The following YJU2 variants were observed in gnomAD, a reference collection of about 807,000 sequenced individuals.
YJU2 encodes the protein splicing factor YJU2.
In YJU2, 28 loss-of-function variants were observed where a neutral mutation model predicts 39.6. The observed-to-expected ratio is 0.71, with a 90% CI of 0.52 to 0.97. The LOEUF (loss-of-function observed/expected upper bound fraction) is 0.97, where lower values mean the gene tolerates loss of function less well. YJU2 is among the 50% of genes least tolerant of loss of function. The probability of loss-of-function intolerance (pLI) is 0.00; values close to 1 mark genes in which losing one functional copy is unlikely to be tolerated. For synonymous variants in YJU2, 184 were observed against 182.4 expected, an observed-to-expected ratio of 1.01 and a Z score of -0.07; for missense variants, 328 against 430.4, an observed-to-expected ratio of 0.76 and a Z score of 2.11.
At chr19:4,257,274 G>A (rs888279907) in intron 4 of YJU2, among the ~76,000 whole-genome samples, 1 of 151,898 alleles carries the variant, frequency 6.6e-6, no homozygotes, top group East Asian at 1.9e-4. Flanking sequence ...AGGTGCTCAG[G>A]TTGTCTTTTA....
chr19:4,262,701 G>C (rs1047213615), intron 6 of YJU2, among the ~76,000 whole-genome samples: 1 of 151,952 alleles, frequency 6.6e-6, no homozygotes, highest in Non-Finnish European at 1.5e-5. Flanking sequence ...TTGAGGCCGG[G>C]AGTTTGAGAC....
rs186488024 is a variant in YJU2 at position 4,254,252 on chromosome 19, C to A, written c.271-103C>A. On this transcript the variant is annotated intron_variant, in intron 3 of 7. Coordinates refer to ENST00000262962, the MANE Select transcript of YJU2 (RefSeq NM_018074.6). ...ACAAGAAAAAGAGAAGGTAGTAGAA[C>A]CAGTAAAAATCAGAGAGAAGGGGCC... The A allele has an allele frequency of 1.2e-4, 104 of 833,664 alleles. No individual in the cohort carries two copies. In the Admixed American group the frequency reaches 2.2e-3, roughly 18 times the overall value. 51.6% of individuals were successfully genotyped at this position (833,664 alleles called of 1,614,324 possible). A position where few individuals can be genotyped will look rare whatever the true frequency, so the allele number is the denominator to read the frequency against.
chr19:4,258,476 G>A, intron 5 of YJU2, 53 bp downstream of exon 5: 1 of 1,532,992 alleles, frequency 6.5e-7, no homozygotes, highest in Non-Finnish European at 8.8e-7. Flanking sequence ...TGCCCCGGCA[G>A]GCGCTGCCTC....
intron 4 of YJU2, among the ~76,000 whole-genome samples, chr19:4,255,011 G>C (rs111662664): frequency 2.4e-4 from 35 of 146,898 alleles, no homozygotes; most frequent in African/African-American, 8.9e-4. Flanking sequence ...AGCCGAGATG[G>C]CGCCACTGCA....
At chr19:4,258,735 G>A (rs1285966959) in intron 5 of YJU2, among the ~76,000 whole-genome samples, 1 of 152,190 alleles carries the variant, frequency 6.6e-6, no homozygotes, top group African/African-American at 2.4e-5. Context: ...TCTCCTGGTG[G>A]AGCTTCGCAG....
rs943940273 is a variant in YJU2 at position 4,268,810 on chromosome 19, A to C, written c.*114A>C. The C allele has an allele frequency of 8.0e-6, 6 of 748,754 alleles. No homozygotes were observed. The highest frequency in any genetic ancestry group is 1.3e-5 in the Non-Finnish European group (6 of 446,052). 46.4% of individuals were successfully genotyped at this position (748,754 alleles called of 1,614,324 possible). A position where few individuals can be genotyped will look rare whatever the true frequency, so the allele number is the denominator to read the frequency against. Reference sequence around the variant, plus strand: ...GCCTTGGCGTGACTGGAGGCCGGACAGACAAGCGCCAGCGTGCTCCAACAC... The same window carrying C: ...GCCTTGGCGTGACTGGAGGCCGGACCGACAAGCGCCAGCGTGCTCCAACAC... On this transcript the variant is annotated 3_prime_UTR_variant, in exon 8 of 8. Transcript: ENST00000262962.
intron 6 of YJU2, among the ~76,000 whole-genome samples, chr19:4,265,514 G>A (rs970850540): frequency 3.3e-5 from 5 of 151,076 alleles, no homozygotes; most frequent in East Asian, 1.9e-4. Flanking sequence ...CAGTCCTCCC[G>A]CCTTGGCCTC....
intron 4 of YJU2, among the ~76,000 whole-genome samples, chr19:4,256,626 A>G (rs983810701): frequency 7.2e-5 from 11 of 152,234 alleles, no homozygotes; most frequent in Non-Finnish European, 1.3e-4. Context: ...TCAGGCATCC[A>G]GAAGCAGCTG....
At chr19:4,253,238 A>C (rs1364645412) in intron 3 of YJU2, among the ~76,000 whole-genome samples, 2 of 109,712 alleles carry the variant, frequency 1.8e-5, no homozygotes, top group Non-Finnish European at 3.8e-5. Flanking sequence ...CACACACACA[A>C]ATTTTAATTA....
Position 4,267,627 on chromosome 19 carries a change from C to A in YJU2, c.712C>A (p.Pro238Thr). 6.2e-7 allele frequency: 1 copy of A among 1,612,546 alleles called. No homozygotes were observed. Among genetic ancestry groups the A allele is most frequent in the East Asian group, 2.2e-5 (1 of 44,876 alleles). ...PNPTAILDEA[P>T]KPKRKVEVWE... ...CATGTGTCCCCATCACCTGCAGGCC[C>A]CAAAGCCCAAGAGGAAGGTGGAGGT... Residue 238 changes from proline to threonine, a missense_variant, in exon 7 of 8, where the codon CCA becomes ACA. By Grantham distance (38) the Pro-to-Thr change is conservative. Transcript: ENST00000262962.
intron 2 of YJU2, 46 bp from the exon 3 acceptor site, chr19:4,250,981 A>G: frequency 1.3e-6 from 2 of 1,591,464 alleles, no homozygotes; most frequent in Non-Finnish European, 1.7e-6. Context: ...TGCCAGTGGG[A>G]GCCAGCGTCC....
intron 1 of YJU2, chr19:4,247,412 G>A: frequency 2.1e-6 from 1 of 473,514 alleles, no homozygotes; most frequent in Non-Finnish European, 3.7e-6. Context: ...CGTGGCTTGG[G>A]CTTTTACCCA....
intron 2 of YJU2, 39 bp downstream of exon 2, chr19:4,249,367 C>T: frequency 7.3e-7 from 1 of 1,375,442 alleles, no homozygotes; most frequent in Non-Finnish European, 1.0e-6. Flanking sequence ...CCAGTCATGG[C>T]TGAAGGACGC....
chr19:4,268,782 G>T lies in YJU2; in HGVS notation c.*86G>T. On this transcript the variant is annotated 3_prime_UTR_variant, in exon 8 of 8. Transcript: ENST00000262962. ...CCAGCATTGCTGGTGGTCAGGGCAG[G>T]AGGCCTTGGCGTGACTGGAGGCCGG... is the stretch of plus-strand genomic sequence containing the variant. The T allele has an allele frequency of 9.9e-7, 1 of 1,010,252 alleles. No individual in the cohort carries two copies. Among genetic ancestry groups the T allele is most frequent in the Non-Finnish European group, 1.5e-6 (1 of 664,966 alleles). 62.6% of individuals were successfully genotyped at this position (1,010,252 alleles called of 1,614,324 possible).
At chr19:4,252,465 G>T (rs1484174856) in intron 3 of YJU2, among the ~76,000 whole-genome samples, 2 of 151,918 alleles carry the variant, frequency 1.3e-5, no homozygotes, top group Admixed American at 1.3e-4. Context: ...TTAGCCAGGC[G>T]TGGTGGCGGG....
At chr19:4,261,956 A>G (rs1169764653) in intron 5 of YJU2, 38 bp from the exon 6 acceptor site, 1 of 1,605,646 alleles carries the variant, frequency 6.2e-7, no homozygotes, top group Non-Finnish European at 8.5e-7. Flanking sequence ...CTGTTCCCCA[A>G]ACAGAGCACG....
chr19:4,261,127 T>C (rs1438072943), intron 5 of YJU2, among the ~76,000 whole-genome samples: 2 of 152,160 alleles, frequency 1.3e-5, no homozygotes, highest in Non-Finnish European at 2.9e-5. Flanking sequence ...CTCCTGGCCT[T>C]AAGCATTTCT....
intron 2 of YJU2, among the ~76,000 whole-genome samples, chr19:4,250,824 G>A (rs1048119065): frequency 6.6e-6 from 1 of 152,120 alleles, no homozygotes; most frequent in Non-Finnish European, 1.5e-5. Context: ...CTTGGACTGA[G>A]CCCCAGGAAG....
intron 6 of YJU2, among the ~76,000 whole-genome samples, chr19:4,263,675 C>T (rs557237258): frequency 7.2e-5 from 11 of 151,866 alleles, no homozygotes; most frequent in East Asian, 1.9e-4. Flanking sequence ...CTGGACATGG[C>T]GGTGCCTGCC....
Sources: allele counts gnomAD v4.1 joint callset (sites outside exome capture counted in the v4.1 genomes callset), GRCh38; gene constraint gnomAD v4.1.1; transcripts MANE v1.5; gene names NCBI Gene and HGNC (gene_info 2026-07-23, HGNC 2026-07-21).